Variants in LINGO2 observed in about 807,000 individuals in gnomAD.
LINGO2 encodes the protein leucine rich repeat and Ig domain containing 2.
Under a neutral mutation model 30.6 loss-of-function variants are expected in LINGO2, and 14 were observed. The observed-to-expected ratio is 0.46, with a 90% confidence interval of 0.30 to 0.72. LINGO2 has a LOEUF of 0.72. Among genes scored for constraint, LINGO2 ranks in the 30% least tolerant of loss-of-function variants. The probability of loss-of-function intolerance (pLI) is 0.07; values close to 1 mark genes in which losing one functional copy is unlikely to be tolerated. For missense variants in LINGO2, 729 were observed against 751.7 expected, an observed-to-expected ratio of 0.97 and a Z score of 0.35; for synonymous variants, 317 against 288.5, an observed-to-expected ratio of 1.10 and a Z score of -1.00.
chr9:28,421,721 A>G (rs1823207140), intron 2 of LINGO2, among the ~76,000 whole-genome samples: 1 of 152,118 alleles, frequency 6.6e-6, no homozygotes, highest in Admixed American at 6.6e-5. Flanking sequence ...AAATTCATAC[A>G]TAAGCGTACC....
At chr9:28,506,640 A>G (rs1049084520) in intron 1 of LINGO2, among the ~76,000 whole-genome samples, 27 of 147,548 alleles carry the variant, frequency 1.8e-4, no homozygotes, top group Admixed American at 1.5e-3. Flanking sequence ...ATATATTTGC[A>G]TATATAAATA....
the LINGO2 span, among the ~76,000 whole-genome samples, chr9:28,848,397 G>GTGTATATATATATATA: frequency 1.7e-4 from 8 of 48,438 alleles, no homozygotes; most frequent in Admixed American, 6.4e-4. Context: ...GTGTGTGTGT[G>GTGTATATATATATATA]TATATATATA....
At chr9:28,746,071 C>T in the LINGO2 span, among the ~76,000 whole-genome samples, 1 of 151,848 alleles carries the variant, frequency 6.6e-6, no homozygotes, top group Non-Finnish European at 1.5e-5. Flanking sequence ...TAAAATCTGG[C>T]TTGAAAATTT....
chr9:28,913,447 A>G, the LINGO2 span, among the ~76,000 whole-genome samples: 1 of 152,136 alleles, frequency 6.6e-6, no homozygotes, highest in Non-Finnish European at 1.5e-5. Flanking sequence ...GTACTGTTGC[A>G]TGATATGTCA....
At chr9:28,055,895 T>C (rs1824915130) in intron 4 of LINGO2, among the ~76,000 whole-genome samples, 1 of 152,182 alleles carries the variant, frequency 6.6e-6, no homozygotes, top group African/African-American at 2.4e-5. Flanking sequence ...TAAATGTGGC[T>C]GATTACCACG....
chr9:27,970,021 AATGTTGTATTAAT>A (rs1381613046), intron 5 of LINGO2, among the ~76,000 whole-genome samples: 4 of 152,158 alleles, frequency 2.6e-5, no homozygotes, highest in Admixed American at 2.0e-4. Context: ...AAGGCCTCAT[AATGTTGTATTAAT>A]ATGTTGTATT....
At chr9:28,937,042 G>C in the LINGO2 span, among the ~76,000 whole-genome samples, 5 of 152,126 alleles carry the variant, frequency 3.3e-5, no homozygotes, top group South Asian at 8.3e-4. Context: ...TGGCTCTATT[G>C]ATCTCATTTA....
chr9:28,788,728 A>G, the LINGO2 span, among the ~76,000 whole-genome samples: 2 of 152,074 alleles, frequency 1.3e-5, no homozygotes, highest in Non-Finnish European at 2.9e-5. Flanking sequence ...AAAACCATCA[A>G]TCTCATGAGA....
At chr9:28,016,879 A>C (rs1426525877) in intron 4 of LINGO2, among the ~76,000 whole-genome samples, 1 of 151,776 alleles carries the variant, frequency 6.6e-6, no homozygotes, top group Non-Finnish European at 1.5e-5. Flanking sequence ...AGCAGAGACA[A>C]CAACAACAAA....
At chr9:28,630,288 T>A (rs890073970) in intron 1 of LINGO2, among the ~76,000 whole-genome samples, 4 of 152,082 alleles carry the variant, frequency 2.6e-5, no homozygotes, top group African/African-American at 9.7e-5. Context: ...CAGTCACATG[T>A]CTTTTCAGGA....
intron 1 of LINGO2, among the ~76,000 whole-genome samples, chr9:28,480,619 C>T (rs1825922205): frequency 6.6e-6 from 1 of 152,058 alleles, no homozygotes; most frequent in Admixed American, 6.6e-5. Context: ...ACTTTAATAT[C>T]CTTCAGTTAA....
chr9:28,683,842 T>C, the LINGO2 span, among the ~76,000 whole-genome samples: 1 of 152,178 alleles, frequency 6.6e-6, no homozygotes, highest in Non-Finnish European at 1.5e-5. Context: ...GCCTAGCACA[T>C]AGTAGATGCT....
chr9:27,966,187 T>C (rs1439205960), intron 5 of LINGO2, among the ~76,000 whole-genome samples: 3 of 152,154 alleles, frequency 2.0e-5, no homozygotes, highest in East Asian at 1.9e-4. Context: ...AGAGAGGATA[T>C]GCAATCTGGA....
chr9:28,882,334 T>C, the LINGO2 span, among the ~76,000 whole-genome samples: 1 of 152,210 alleles, frequency 6.6e-6, no homozygotes. Context: ...GTCCAAAGTA[T>C]GCAATCTGGG....
intron 1 of LINGO2, among the ~76,000 whole-genome samples, chr9:28,566,260 T>G (rs934385594): frequency 6.6e-6 from 1 of 152,150 alleles, no homozygotes; most frequent in Non-Finnish European, 1.5e-5. Flanking sequence ...CTGAAGCCAC[T>G]TTGTCTACCA....
chr9:28,988,741 C>T, the LINGO2 span, among the ~76,000 whole-genome samples: 1 of 152,186 alleles, frequency 6.6e-6, no homozygotes, highest in East Asian at 1.9e-4. Context: ...CCTGTAGAAA[C>T]CATGAGCCCA....
chr9:29,104,527 G>C, the LINGO2 span, among the ~76,000 whole-genome samples: 2 of 152,048 alleles, frequency 1.3e-5, no homozygotes, highest in Non-Finnish European at 2.9e-5. Context: ...AAATTACCCA[G>C]TCTCGGGTAG....
chr9:28,717,342 TAAAA>T, the LINGO2 span, among the ~76,000 whole-genome samples: 1 of 112,324 alleles, frequency 8.9e-6, no homozygotes, highest in African/African-American at 3.2e-5. Context: ...GACCCTAATC[TAAAA>T]AAAAAAAAAA....
At chr9:29,200,698 C>T in the LINGO2 span, among the ~76,000 whole-genome samples, 6 of 152,090 alleles carry the variant, frequency 3.9e-5, no homozygotes, top group African/African-American at 1.4e-4. Context: ...CCGTTAACTA[C>T]AGTCCATACT....
Sources: gnomAD v4.1 joint callset for allele counts (sites outside exome capture counted in the v4.1 genomes callset) on GRCh38, gnomAD v4.1.1 for gene constraint, MANE v1.5 for transcripts, NCBI Gene and HGNC (gene_info 2026-07-23, HGNC 2026-07-21) for gene names.